IPO8: variants seen among roughly 807,000 people sequenced by gnomAD.
IPO8 encodes the protein importin-8.
Under a neutral mutation model 141.2 loss-of-function variants are expected in IPO8, and 65 were observed. The ratio of observed to expected loss-of-function variants is 0.46; its 90% CI spans 0.38 to 0.57. IPO8 has a LOEUF of 0.57. IPO8 is among the 20% of genes least tolerant of loss of function. The pLI is 0.00. For synonymous variants in IPO8, 411 were observed against 420.3 expected (o/e 0.98, Z 0.27); for missense variants, 980 against 1,246.8 (o/e 0.79, Z 3.22).
intron 2 of IPO8, among the ~76,000 whole-genome samples, chr12:30,689,714 G>A (rs11051030): frequency 0.23 from 34,789 of 152,040 alleles, 4,224 homozygotes; most frequent in Middle Eastern, 0.3. Context: ...TTCACCTAAC[G>A]TTAATGATGA....
In IPO8 at chr12:30,652,335, G is replaced by A. The variant is rs775407691; in HGVS notation, c.2075-46C>T. 11 of 1,111,748 alleles carry A rather than the reference G, an allele frequency of 9.9e-6. No individual in the cohort carries two copies. The Middle Eastern group carries it at 7.8e-4, about 79-fold the overall frequency. 68.9% of individuals were successfully genotyped at this position (1,111,748 alleles called of 1,614,324 possible). The stretch of plus-strand genomic sequence containing the variant: ...CAATGAGACTTGAGTGACAGAAATA[G>A]AAATAAATTATTCCCACTGAAACCA... On this transcript the variant is annotated intron_variant, in intron 18 of 24. Transcript: ENST00000256079.
At chr12:30,682,661 C>T (rs977724007) in intron 3 of IPO8, among the ~76,000 whole-genome samples, 6 of 151,754 alleles carry the variant, frequency 4.0e-5, no homozygotes, top group Admixed American at 1.3e-4. Context: ...CAAATATGAC[C>T]TTACATGACA....
chr12:30,660,092 A>G (rs1056273520), intron 16 of IPO8, among the ~76,000 whole-genome samples: 1 of 149,764 alleles, frequency 6.7e-6, no homozygotes, highest in African/African-American at 2.5e-5. Flanking sequence ...GTGTGATGGT[A>G]CACACCTGTA....
chr12:30,663,344 C>T, intron 14 of IPO8, 145 bp downstream of exon 14: 1 of 627,614 alleles, frequency 1.6e-6, no homozygotes, highest in South Asian at 2.5e-5. Flanking sequence ...CTAAAAAGGA[C>T]AAGAATAAAT....
intron 1 of IPO8, among the ~76,000 whole-genome samples, chr12:30,691,029 A>C (rs2053286667): frequency 1.3e-5 from 2 of 152,022 alleles, no homozygotes; most frequent in South Asian, 4.1e-4. Flanking sequence ...CCTTTTGTAA[A>C]TGGAGTATTT....
chr12:30,650,533 G>A (rs1209699672), intron 19 of IPO8, among the ~76,000 whole-genome samples: 2 of 152,026 alleles, frequency 1.3e-5, no homozygotes, highest in Non-Finnish European at 2.9e-5. Context: ...TCTGGAACCA[G>A]GCTGCTTAGG....
chr12:30,674,257 T>TA (rs1267261245), intron 7 of IPO8, among the ~76,000 whole-genome samples, 183 bp from the exon 8 acceptor site: 2 of 152,170 alleles, frequency 1.3e-5, no homozygotes, highest in Non-Finnish European at 2.9e-5. Flanking sequence ...CTATGGGCCA[T>TA]ACTGTAAAGT....
intron 20 of IPO8, among the ~76,000 whole-genome samples, chr12:30,642,797 G>A (rs534804312): frequency 3.0e-4 from 45 of 152,010 alleles, no homozygotes; most frequent in African/African-American, 9.9e-4. Flanking sequence ...ATATCTAGTC[G>A]TACCAAGACA....
At chr12:30,681,899 G>T in intron 3 of IPO8, 82 bp from the exon 4 acceptor site, 1 of 1,186,878 alleles carries the variant, frequency 8.4e-7, no homozygotes, top group Non-Finnish European at 1.2e-6. Context: ...TTACATAAAA[G>T]TTTGTTATCT....
At chr12:30,683,937 C>CA (rs1327778276) in intron 3 of IPO8, among the ~76,000 whole-genome samples, 1 of 152,156 alleles carries the variant, frequency 6.6e-6, no homozygotes, top group Non-Finnish European at 1.5e-5. Context: ...TTCCCAGAAT[C>CA]AGTCTCTCTG....
chr12:30,679,500 CAT>C (rs1329871276), intron 5 of IPO8, among the ~76,000 whole-genome samples: 4 of 152,056 alleles, frequency 2.6e-5, no homozygotes, highest in African/African-American at 9.6e-5. Flanking sequence ...AGTGAGAGAA[CAT>C]ATTTTCCTAG....
At chr12:30,640,205 G>A (rs2052558138) in intron 20 of IPO8, among the ~76,000 whole-genome samples, 1 of 152,116 alleles carries the variant, frequency 6.6e-6, no homozygotes, top group Admixed American at 6.5e-5. Context: ...AGAAAAAATG[G>A]TGGAGCCTGA....
chr12:30,694,644 G>A (rs540876568), intron 1 of IPO8, among the ~76,000 whole-genome samples: 6 of 152,298 alleles, frequency 3.9e-5, no homozygotes, highest in East Asian at 1.9e-4. Flanking sequence ...TAATTTGTAA[G>A]TTCTCAGGTG....
At chr12:30,632,348 T>A (rs957959877) in intron 23 of IPO8, among the ~76,000 whole-genome samples, 1 of 152,218 alleles carries the variant, frequency 6.6e-6, no homozygotes, top group East Asian at 1.9e-4. Flanking sequence ...GGAATTTTCA[T>A]ACTACCTGCA....
chr12:30,693,615 G>C (rs2053311210), intron 1 of IPO8, among the ~76,000 whole-genome samples: 1 of 152,150 alleles, frequency 6.6e-6, no homozygotes, highest in Non-Finnish European at 1.5e-5. Flanking sequence ...GGTGGCAAAG[G>C]ACAAGCAGGC....
rs1392290342 is a variant in IPO8 at position 30,629,447 on chromosome 12, A to T, written c.*1413T>A. ...TTCTATAGACATCACTTAACCTAAA[A>T]TTCTAAAGAGTTAATATGCATGAGG... On this transcript the variant is annotated 3_prime_UTR_variant, in exon 25 of 25. Coordinates refer to ENST00000256079, the MANE Select transcript of IPO8 (RefSeq NM_006390.4). 1 of 152,166 alleles carries T rather than the reference A, an allele frequency of 6.6e-6. No homozygotes were observed. The highest frequency in any genetic ancestry group is 1.5e-5 in the Non-Finnish European group (1 of 68,016). 9.4% of individuals were successfully genotyped at this position (152,166 alleles called of 1,614,324 possible).
chr12:30,680,309 A>C, intron 5 of IPO8, 173 bp downstream of exon 5: 1 of 522,680 alleles, frequency 1.9e-6, no homozygotes, highest in Non-Finnish European at 3.3e-6. Context: ...TATGCCATTG[A>C]GACGATCTTG....
At position 30,632,000 on chromosome 12, in the gene IPO8, G is replaced by A. The variant is rs2136121278; in HGVS notation, c.2911C>T (p.Arg971Ter). ...FTQALITVQS[R>*]DAAWYQLLMA... is the part of the protein sequence containing the mutation. ...AGCAGCTGGTACCAGGCTGCATCTC[G>A]ACTCTGCACAGCTGTTGCATTTTGG... Residue 971 changes from arginine to a stop codon, truncating the protein, a stop_gained, in exon 24 of 25, where the codon CGA becomes TGA. Coordinates refer to ENST00000256079, the MANE Select transcript of IPO8 (RefSeq NM_006390.4). LOFTEE classifies it high-confidence loss of function. The A allele has an allele frequency of 6.2e-7, 1 of 1,611,520 alleles. No individual in the cohort carries two copies. Among genetic ancestry groups the A allele is most frequent in the Non-Finnish European group, 8.5e-7 (1 of 1,179,328 alleles).
intron 20 of IPO8, among the ~76,000 whole-genome samples, chr12:30,643,775 C>T (rs2052604663): frequency 6.6e-6 from 1 of 152,228 alleles, no homozygotes; most frequent in African/African-American, 2.4e-5. Context: ...GACCTTCCAC[C>T]ACGTTGTGGT....
Sources: gnomAD v4.1 joint callset for allele counts (sites outside exome capture counted in the v4.1 genomes callset) on GRCh38, gnomAD v4.1.1 for gene constraint, MANE v1.5 for transcripts, NCBI Gene and HGNC (gene_info 2026-07-23, HGNC 2026-07-21) for gene names.